The following GLIS3 variants were observed in gnomAD, a reference collection of about 807,000 sequenced individuals.
GLIS3 encodes GLIS family zinc finger 3, also known as zinc finger protein GLIS3.
GLIS3 carries 53 observed loss-of-function variants against 78.6 expected under a neutral mutation model. That is an observed-to-expected ratio of 0.67 (90% CI 0.54 to 0.85). GLIS3 has a LOEUF of 0.85. Ranked by LOEUF, GLIS3 falls within the 40% of genes least tolerant of loss-of-function variation. The probability of loss-of-function intolerance (pLI) is 0.00; values close to 1 mark genes in which losing one functional copy is unlikely to be tolerated. For synonymous variants in GLIS3, 684 were observed against 509.9 expected (o/e 1.34, Z -4.60); for missense variants, 1,703 against 1,231.1 (o/e 1.38, Z -5.74).
the GLIS3 span, among the ~76,000 whole-genome samples, chr9:4,366,804 G>A: frequency 1.3e-5 from 2 of 152,128 alleles, no homozygotes; most frequent in Admixed American, 6.5e-5. Flanking sequence ...CTGCCATAAC[G>A]GTCTTGTCAC....
In GLIS3 at chr9:4,126,066, G is replaced by C. The variant is rs766781280; in HGVS notation, c.389-125C>G. The C allele has an allele frequency of 9.6e-6, 7 of 728,602 alleles. No homozygotes were observed. The African/African-American group carries it at 1.1e-4, about 11-fold the overall frequency. 45.1% of individuals were successfully genotyped at this position (728,602 alleles called of 1,614,324 possible). A position where few individuals can be genotyped will look rare whatever the true frequency, so the allele number is the denominator to read the frequency against. On this transcript the variant is annotated intron_variant, in intron 2 of 10. Coordinates refer to ENST00000381971, the MANE Select transcript of GLIS3 (RefSeq NM_001042413.2). ...AGTCCTCAGATCATTTTTTTTTTTA[G>C]TATTGGTGATAGCAAAAGGCTTTCT...
intron 6 of GLIS3, among the ~76,000 whole-genome samples, chr9:3,916,282 G>T (rs1461481988): frequency 1.3e-5 from 2 of 152,180 alleles, no homozygotes; most frequent in Non-Finnish European, 2.9e-5. Flanking sequence ...AAGATCAAAA[G>T]AATATCTCTA....
chr9:4,355,621 T>C, the GLIS3 span, among the ~76,000 whole-genome samples: 1 of 152,132 alleles, frequency 6.6e-6, no homozygotes, highest in African/African-American at 2.4e-5. Flanking sequence ...ACAAGCTTTA[T>C]CACCTTTGGA....
At chr9:4,032,736 T>G (rs1000360843) in intron 4 of GLIS3, among the ~76,000 whole-genome samples, 3 of 151,058 alleles carry the variant, frequency 2.0e-5, no homozygotes, top group African/African-American at 7.4e-5. Flanking sequence ...GCCATGAGGT[T>G]TCTGCTTACC....
intron 2 of GLIS3, among the ~76,000 whole-genome samples, chr9:4,330,849 G>T (rs868229624): frequency 6.6e-5 from 10 of 152,224 alleles, no homozygotes; most frequent in Middle Eastern, 3.4e-3. Flanking sequence ...AGCACCAGGC[G>T]AGCCAGGAGT....
intron 4 of GLIS3, among the ~76,000 whole-genome samples, chr9:4,114,425 C>T (rs746030219): frequency 6.6e-6 from 1 of 152,068 alleles, no homozygotes; most frequent in Non-Finnish European, 1.5e-5. Flanking sequence ...GGGAAAGGGA[C>T]AAATTCAGAG....
rs962356563 is a variant in GLIS3 at position 4,125,625 on chromosome 9, AGT to A, written c.596+107_596+108del. On this transcript the variant is annotated intron_variant, in intron 3 of 10. Coordinates refer to ENST00000381971, the MANE Select transcript of GLIS3 (RefSeq NM_001042413.2). ...ATTGAGAGAGTTGCTTGAGTGTGTAAGTGTATGAGTGTGTGTGTGTGTGTGTG... is the reference window on the plus strand; with the variant it reads ...ATTGAGAGAGTTGCTTGAGTGTGTAAGTATGAGTGTGTGTGTGTGTGTGTG... 84 of 719,990 alleles carry A rather than the reference AGT, an allele frequency of 1.2e-4. 2 individuals carry two copies. The highest frequency in any genetic ancestry group is 1.1e-3 in the South Asian group (69 of 65,382). The allele number at this position is 719,990 out of a possible 1,614,324, so 44.6% of individuals were successfully genotyped here. A position where few individuals can be genotyped will look rare whatever the true frequency, so the allele number is the denominator to read the frequency against.
the GLIS3 span, among the ~76,000 whole-genome samples, chr9:4,440,144 C>A: frequency 5.3e-5 from 8 of 152,176 alleles, no homozygotes; most frequent in African/African-American, 1.9e-4. Context: ...TATAAGTTGT[C>A]TCTTTACTCT....
At chr9:3,880,719 T>A (rs1414614161) in intron 7 of GLIS3, among the ~76,000 whole-genome samples, 5 of 152,150 alleles carry the variant, frequency 3.3e-5, no homozygotes, top group Admixed American at 1.3e-4. Flanking sequence ...CTCTCCAGGA[T>A]AGAATAAGTA....
chr9:3,953,815 A>ATGTG, intron 4 of GLIS3, among the ~76,000 whole-genome samples: 1 of 141,162 alleles, frequency 7.1e-6, no homozygotes, highest in African/African-American at 2.6e-5. Flanking sequence ...ATATATATAT[A>ATGTG]TATATATCTT....
intron 1 of GLIS3, among the ~76,000 whole-genome samples, chr9:4,299,085 TTGAAA>T (rs767008371): frequency 1.3e-5 from 2 of 152,102 alleles, no homozygotes; most frequent in Non-Finnish European, 2.9e-5. Flanking sequence ...CCCGCTCTAC[TTGAAA>T]TGAAAACACA....
rs553016845 is a variant in GLIS3 at position 4,279,479 on chromosome 9, A to G, written c.388+6559T>C. Among the ~76,000 whole-genome samples, 9 of 151,570 alleles carry G rather than the reference A, an allele frequency of 5.9e-5. No homozygotes were observed. In the South Asian group the frequency reaches 1.3e-3, roughly 21 times the overall value. On this transcript the variant is annotated intron_variant, in intron 2 of 10. Coordinates refer to ENST00000381971, the MANE Select transcript of GLIS3 (RefSeq NM_001042413.2). ...AACAATAATATCAACAAAGGACACC[A>G]AACTAATTGGGATTAAAAAACTCTT...
intron 6 of GLIS3, among the ~76,000 whole-genome samples, chr9:3,899,620 G>C (rs529439383): frequency 6.6e-6 from 1 of 152,192 alleles, no homozygotes; most frequent in South Asian, 2.1e-4. Context: ...AAATGTATTT[G>C]TTACAAATAT....
chr9:4,319,352 G>A (rs1817486236), intron 2 of GLIS3, among the ~76,000 whole-genome samples: 1 of 152,132 alleles, frequency 6.6e-6, no homozygotes, highest in East Asian at 1.9e-4. Context: ...GGAAGAAACA[G>A]AACTCAAATG....
At chr9:4,472,066 C>G in the GLIS3 span, among the ~76,000 whole-genome samples, 2 of 152,340 alleles carry the variant, frequency 1.3e-5, no homozygotes. Context: ...GATACCATCT[C>G]ACACCAGTTA....
At chr9:4,382,106 CCTTG>C in the GLIS3 span, among the ~76,000 whole-genome samples, 4 of 152,190 alleles carry the variant, frequency 2.6e-5, no homozygotes, top group Admixed American at 1.3e-4. Flanking sequence ...TCTTTAGCTC[CCTTG>C]CTTATCTGTT....
chr9:3,907,677 C>G (rs1405854089), intron 6 of GLIS3, among the ~76,000 whole-genome samples: 5 of 151,426 alleles, frequency 3.3e-5, no homozygotes, highest in African/African-American at 1.2e-4. Flanking sequence ...GCTCCTTTGC[C>G]TCAAAGTGAG....
intron 2 of GLIS3, among the ~76,000 whole-genome samples, chr9:4,278,543 A>C (rs955896447): frequency 6.6e-6 from 1 of 152,220 alleles, no homozygotes; most frequent in Admixed American, 6.5e-5. Flanking sequence ...ATAATTTAAA[A>C]AAAATCCATG....
chr9:4,370,090 G>C, the GLIS3 span, among the ~76,000 whole-genome samples: 1 of 150,296 alleles, frequency 6.7e-6, no homozygotes. Context: ...TACTCAGGAG[G>C]CTGAGGCAGG....
Sources: gnomAD v4.1 joint callset for allele counts (sites outside exome capture counted in the v4.1 genomes callset) on GRCh38, gnomAD v4.1.1 for gene constraint, MANE v1.5 for transcripts, NCBI Gene and HGNC (gene_info 2026-07-23, HGNC 2026-07-21) for gene names.